Variants in CLNK observed in about 807,000 individuals in gnomAD.
CLNK encodes the protein cytokine dependent hematopoietic cell linker.
Under a neutral mutation model 68.6 loss-of-function variants are expected in CLNK, and 74 were observed. The observed-to-expected ratio is 1.08, with a 90% CI of 0.89 to 1.31. CLNK has a LOEUF of 1.31. Among genes scored for constraint, CLNK ranks in the 50% most tolerant of loss-of-function variants. CLNK has a pLI of 0.00. For missense variants in CLNK, 553 were observed against 515.3 expected, an observed-to-expected ratio of 1.07 and a Z score of -0.71; for synonymous variants, 198 against 172.2, an observed-to-expected ratio of 1.15 and a Z score of -1.17.
chr4:10,628,066 A>G (rs1577180509), intron 2 of CLNK, among the ~76,000 whole-genome samples: 1 of 152,182 alleles, frequency 6.6e-6, no homozygotes, highest in South Asian at 2.1e-4. Context: ...ATCCTGTGTA[A>G]CCCTCTTGGC....
At position 10,558,373 on chromosome 4, in the gene CLNK, C is replaced by T. The variant is rs767410915; in HGVS notation, c.445+34G>A. ...TAGAAGCAAAATAGATGTTTTCATA[C>T]TTACATTTTAAACTTCGATTAACAT... On this transcript the variant is annotated intron_variant, in intron 8 of 18. Transcript: ENST00000226951. 26 of 1,597,652 alleles carry T rather than the reference C, an allele frequency of 1.6e-5. No homozygotes were observed. The East Asian group carries it at 5.4e-4, about 33-fold the overall frequency.
At chr4:10,734,230 C>T in the CLNK span, among the ~76,000 whole-genome samples, 2 of 152,342 alleles carry the variant, frequency 1.3e-5, no homozygotes, top group South Asian at 4.1e-4. Context: ...AAGCCTGAAC[C>T]TGGGCTTCCT....
At chr4:10,528,252 A>T (rs1718401014) in intron 12 of CLNK, among the ~76,000 whole-genome samples, 158 bp from the exon 13 acceptor site, 1 of 152,234 alleles carries the variant, frequency 6.6e-6, no homozygotes, top group Non-Finnish European at 1.5e-5. Flanking sequence ...ATAATTCTTC[A>T]TAAAACTAAA....
Position 10,549,296 on chromosome 4 carries a change from ACAAG to A in CLNK, c.446-7020_446-7017del, listed in dbSNP as rs1719355088. 1.3e-5 allele frequency among the ~76,000 whole-genome samples: 2 copies of A among 152,222 alleles called. 1 individual carries two copies. The highest frequency in any genetic ancestry group is 4.1e-4 in the South Asian group (2 of 4,834). On this transcript the variant is annotated intron_variant, in intron 8 of 18. Coordinates refer to ENST00000226951, the MANE Select transcript of CLNK (RefSeq NM_052964.4). ...TTGCAGGTGAAAAAAACTGGATTGA[ACAAG>A]CAAAGTAACTTGTCTACCATTATAC...
chr4:10,528,716 G>C (rs1206765526), intron 12 of CLNK, among the ~76,000 whole-genome samples: 3 of 152,164 alleles, frequency 2.0e-5, no homozygotes, highest in African/African-American at 7.2e-5. Context: ...TTATATCCAT[G>C]TATATTTGTG....
At chr4:10,688,913 A>G (rs539511729), upstream of CLNK, among the ~76,000 whole-genome samples, 1 of 152,242 alleles carries the variant, frequency 6.6e-6, no homozygotes, top group South Asian at 2.1e-4. Context: ...AAAAAATAGT[A>G]CAGAAGAGTC....
chr4:10,663,855 T>C lies in CLNK; in HGVS notation c.11+4004A>G, dbSNP rs867490506. On this transcript the variant is annotated intron_variant, in intron 2 of 18. Coordinates refer to ENST00000226951, the MANE Select transcript of CLNK (RefSeq NM_052964.4). ...AGGGCAAAACTCCCGTGAAATGAGA[T>C]TAGCACCCTTATAAAAGAGGTCCCA... is the stretch of plus-strand genomic sequence containing the variant. Among the ~76,000 whole-genome samples the C allele has an allele frequency of 1.3e-5, 2 of 152,278 alleles. 1 individual carries two copies. Among genetic ancestry groups the C allele is most frequent in the Middle Eastern group, 6.8e-3 (2 of 294 alleles).
intron 1 of CLNK, among the ~76,000 whole-genome samples, 161 bp from the exon 2 acceptor site, chr4:10,668,072 G>C (rs781124892): frequency 2.3e-4 from 35 of 152,172 alleles, no homozygotes; most frequent in Non-Finnish European, 3.7e-4. Flanking sequence ...CTTATTTCTG[G>C]AACACAGTTG....
chr4:10,674,805 C>A (rs542221520), intron 1 of CLNK, among the ~76,000 whole-genome samples: 1 of 152,126 alleles, frequency 6.6e-6, no homozygotes, highest in Admixed American at 6.6e-5. Context: ...GTAAAGATAA[C>A]GGATTTGATT....
intron 4 of CLNK, among the ~76,000 whole-genome samples, chr4:10,578,744 G>C (rs1035241324): frequency 7.9e-5 from 12 of 151,662 alleles, no homozygotes; most frequent in African/African-American, 2.9e-4. Context: ...GCTAATTTTT[G>C]TATTTTTAGT....
At chr4:10,636,287 GAC>G (rs1268970759) in intron 2 of CLNK, among the ~76,000 whole-genome samples, 1 of 152,136 alleles carries the variant, frequency 6.6e-6, no homozygotes, top group Non-Finnish European at 1.5e-5. Context: ...GATGAGAACA[GAC>G]ACAGAGAGAA....
At chr4:10,641,684 T>C (rs2108875910) in intron 2 of CLNK, among the ~76,000 whole-genome samples, 1 of 152,314 alleles carries the variant, frequency 6.6e-6, no homozygotes, top group South Asian at 2.1e-4. Flanking sequence ...AAGTACATCA[T>C]CCATTAACTT....
chr4:10,678,410 G>C (rs1428673711), intron 1 of CLNK, among the ~76,000 whole-genome samples: 1 of 152,142 alleles, frequency 6.6e-6, no homozygotes, highest in Non-Finnish European at 1.5e-5. Flanking sequence ...GAAAAACTCT[G>C]AGGATTTGAA....
the CLNK span, among the ~76,000 whole-genome samples, chr4:10,724,865 A>T: frequency 1.3e-5 from 2 of 152,192 alleles, no homozygotes. Flanking sequence ...CAGACCTCAG[A>T]GGAGGCTTAG....
chr4:10,560,263 C>T (rs548612016), intron 7 of CLNK, among the ~76,000 whole-genome samples: 2 of 152,308 alleles, frequency 1.3e-5, no homozygotes, highest in Admixed American at 6.5e-5. Flanking sequence ...CACCTTTCAA[C>T]CCCTATTGCT....
chr4:10,491,376 T>C (rs1652774965), intron 18 of CLNK, among the ~76,000 whole-genome samples: 1 of 70,182 alleles, frequency 1.4e-5, no homozygotes. Context: ...TAGGCTCGAA[T>C]GTAGTAAATT....
chr4:10,571,326 C>CTTTTT (rs60429766), intron 5 of CLNK, among the ~76,000 whole-genome samples: 9 of 64,600 alleles, frequency 1.4e-4, no homozygotes, highest in South Asian at 8.9e-4. Context: ...GTTGCTGTTG[C>CTTTTT]TTTTTTTTTT....
chr4:10,734,340 C>A, the CLNK span, among the ~76,000 whole-genome samples: 2 of 152,190 alleles, frequency 1.3e-5, no homozygotes, highest in Non-Finnish European at 2.9e-5. Context: ...TATCTCCTCT[C>A]ACAACATTAT....
chr4:10,639,916 T>A (rs1247344209), intron 2 of CLNK, among the ~76,000 whole-genome samples: 1 of 152,214 alleles, frequency 6.6e-6, no homozygotes, highest in Non-Finnish European at 1.5e-5. Context: ...ATGACGCACA[T>A]AAAGTGGAAT....
Sources: allele counts gnomAD v4.1 joint callset (sites outside exome capture counted in the v4.1 genomes callset), GRCh38; gene constraint gnomAD v4.1.1; transcripts MANE v1.5; gene names NCBI Gene and HGNC (gene_info 2026-07-23, HGNC 2026-07-21).